FEZ1: variants seen among roughly 807,000 people sequenced by gnomAD.
FEZ1 encodes the protein fasciculation and elongation protein zeta 1.
A neutral mutation model predicts 49.3 loss-of-function variants in FEZ1; 20 were observed. That is an observed-to-expected ratio of 0.41 (90% CI 0.29 to 0.59). The LOEUF (loss-of-function observed/expected upper bound fraction) is 0.59. FEZ1 is among the 20% of genes least tolerant of loss of function. The pLI, the probability that FEZ1 is intolerant of heterozygous loss-of-function variation, is 0.36. For missense variants in FEZ1, 413 were observed against 476.0 expected (o/e 0.87, Z 1.23); for synonymous variants, 170 against 180.9 (o/e 0.94, Z 0.48).
At chr11:125,488,455 C>A (rs1957347912) in intron 2 of FEZ1, among the ~76,000 whole-genome samples, 1 of 152,176 alleles carries the variant, frequency 6.6e-6, no homozygotes, top group African/African-American at 2.4e-5. Flanking sequence ...CCAAGGCGGG[C>A]AAATCACCAG....
In FEZ1 at chr11:125,455,737, G is replaced by A. The variant is rs778491455; in HGVS notation, c.939+98C>T. On this transcript the variant is annotated intron_variant, in intron 6 of 9. Transcript: ENST00000278919. ...GTGTGCTGCTCACCACCACTGCTCG[G>A]TAAACGTTGATGAGTCCCCTGCAGG... 3.9e-6 allele frequency: 5 copies of A among 1,277,940 alleles called. No homozygotes were observed. The East Asian group carries it at 9.2e-5, about 24-fold the overall frequency. The allele number at this position is 1,277,940 out of a possible 1,614,324, so 79.2% of individuals were successfully genotyped here.
chr11:125,447,461 A>G (rs1188307270), intron 9 of FEZ1, among the ~76,000 whole-genome samples: 4 of 152,222 alleles, frequency 2.6e-5, no homozygotes, highest in African/African-American at 9.6e-5. Flanking sequence ...TTGGCCCCTG[A>G]TTCAAACAAA....
chr11:125,462,529 G>A (rs915546073), intron 4 of FEZ1, among the ~76,000 whole-genome samples: 8 of 152,126 alleles, frequency 5.3e-5, no homozygotes, highest in African/African-American at 1.7e-4. Context: ...TCTTGACTCC[G>A]AGTACAACGA....
chr11:125,484,761 G>C (rs1479605978), intron 2 of FEZ1, among the ~76,000 whole-genome samples: 1 of 152,162 alleles, frequency 6.6e-6, no homozygotes, highest in Non-Finnish European at 1.5e-5. Flanking sequence ...TGTTTTCATG[G>C]ATCTACAGAA....
At chr11:125,451,225 G>A (rs2135737727) in intron 8 of FEZ1, among the ~76,000 whole-genome samples, 2 of 152,224 alleles carry the variant, frequency 1.3e-5, no homozygotes, top group South Asian at 2.1e-4. Flanking sequence ...GAAACTTAGT[G>A]CATATTTATG....
intron 8 of FEZ1, among the ~76,000 whole-genome samples, chr11:125,452,118 T>C (rs903754947): frequency 6.6e-5 from 10 of 152,158 alleles, no homozygotes; most frequent in African/African-American, 1.7e-4. Flanking sequence ...TCTTCCCTTA[T>C]GGGAACCAGG....
chr11:125,478,458 TG>T (rs1162289232), intron 3 of FEZ1, among the ~76,000 whole-genome samples: 4 of 152,044 alleles, frequency 2.6e-5, no homozygotes. Flanking sequence ...TAAAAAAAAT[TG>T]TTTTAAATGG....
intron 2 of FEZ1, among the ~76,000 whole-genome samples, chr11:125,486,387 T>C (rs149758231): frequency 1.0e-3 from 156 of 152,146 alleles, no homozygotes; most frequent in African/African-American, 3.2e-3. Context: ...AGGAAGAGGG[T>C]GGTCACATAT....
chr11:125,481,826 C>G (rs199927302), intron 2 of FEZ1, 193 bp from the exon 3 acceptor site: 12 of 594,542 alleles, frequency 2.0e-5, no homozygotes, highest in Non-Finnish European at 3.3e-5. Flanking sequence ...GTGCATGGAG[C>G]TTGGCCAGGG....
intron 5 of FEZ1, among the ~76,000 whole-genome samples, chr11:125,457,468 A>ATGTG (rs1476993246): frequency 1.1e-4 from 7 of 65,272 alleles, no homozygotes; most frequent in East Asian, 1.1e-3. Flanking sequence ...ATACACATAT[A>ATGTG]TATGTATATA....
chr11:125,459,383 G>A (rs766021235), intron 5 of FEZ1, among the ~76,000 whole-genome samples: 1 of 152,084 alleles, frequency 6.6e-6, no homozygotes, highest in Non-Finnish European at 1.5e-5. Flanking sequence ...CCTGAGGTCA[G>A]GAGTTTGAGA....
chr11:125,458,023 C>A (rs749973582), intron 5 of FEZ1, among the ~76,000 whole-genome samples: 3 of 152,172 alleles, frequency 2.0e-5, no homozygotes, highest in African/African-American at 7.2e-5. Context: ...ATCTTTGGGA[C>A]CTTTGTGTGG....
In FEZ1 at chr11:125,495,476, C is replaced by G. The variant is rs185456739; in HGVS notation, c.-46+645G>C. The G allele has an allele frequency of 5.4e-3, 2,554 of 471,020 alleles. 16 individuals carry two copies. The highest frequency in any genetic ancestry group is 8.8e-3 in the Admixed American group (373 of 42,586). 29.2% of individuals were successfully genotyped at this position (471,020 alleles called of 1,614,324 possible). ...GCGCCCCGCCACCGCGCAGCCGCCC[C>G]GGTCCCTTCTCCCGCCCGTCTGTAG... is the stretch of plus-strand genomic sequence containing the variant. On this transcript the variant is annotated intron_variant, in intron 1 of 9. Coordinates refer to ENST00000278919, the MANE Select transcript of FEZ1 (RefSeq NM_005103.5). This position sits in a 1 kb window ranked among gnomAD's most constrained non-coding sequence, Gnocchi z 4.2.
Position 125,481,515 on chromosome 11 carries a change from AG to A in FEZ1, c.411+18del. The A allele has an allele frequency of 1.5e-6, 2 of 1,365,082 alleles. No homozygotes were observed. The highest frequency in any genetic ancestry group is 2.1e-6 in the Non-Finnish European group (2 of 952,524). 84.6% of individuals were successfully genotyped at this position (1,365,082 alleles called of 1,614,324 possible). A position where few individuals can be genotyped will look rare whatever the true frequency, so the allele number is the denominator to read the frequency against. ...TCCACATCTCAAGCCCTGCTAAACCAGGGGCCCCGGAGAGGTACCTCAGTGT... is the reference window on the plus strand; with the variant it reads ...TCCACATCTCAAGCCCTGCTAAACCAGGGCCCCGGAGAGGTACCTCAGTGT... On this transcript the variant is annotated intron_variant, in intron 3 of 9. Coordinates refer to ENST00000278919, the MANE Select transcript of FEZ1 (RefSeq NM_005103.5).
In FEZ1 at chr11:125,445,154, G is replaced by C. The variant is rs1030003085; in HGVS notation, c.*941C>G. 6.6e-6 allele frequency among the ~76,000 whole-genome samples: 1 copy of C among 152,222 alleles called. No individual in the cohort carries two copies. The highest frequency in any genetic ancestry group is 2.4e-5 in the African/African-American group (1 of 41,452). On this transcript the variant is annotated 3_prime_UTR_variant, in exon 10 of 10. Transcript: ENST00000278919. The surrounding 1 kb of genome is among the most constrained non-coding windows in gnomAD (Gnocchi z 4.4). ...GGAGACAGTGCGAGGAGTCAGAGCT[G>C]CTGTTCATGGAGGGCCGCGGGAAGG... is the stretch of plus-strand genomic sequence containing the variant.
intron 2 of FEZ1, among the ~76,000 whole-genome samples, chr11:125,487,658 C>G (rs990365280): frequency 2.0e-5 from 3 of 152,156 alleles, no homozygotes; most frequent in Admixed American, 6.5e-5. Flanking sequence ...ATCATACCTT[C>G]CGGCCAGCAT....
In FEZ1 at chr11:125,445,428, T is replaced by A. The variant is rs1239114736; in HGVS notation, c.*667A>T. On this transcript the variant is annotated 3_prime_UTR_variant, in exon 10 of 10. Coordinates refer to ENST00000278919, the MANE Select transcript of FEZ1 (RefSeq NM_005103.5). This position sits in a 1 kb window ranked among gnomAD's most constrained non-coding sequence, Gnocchi z 4.4. ...TGTGTGGCTCCTCCATGAGGCCCACTTTCTATCTGCTAATTGCACACTCTC... is the reference window on the plus strand; with the variant it reads ...TGTGTGGCTCCTCCATGAGGCCCACATTCTATCTGCTAATTGCACACTCTC... Among the ~76,000 whole-genome samples, 1 of 152,182 alleles carries A rather than the reference T, an allele frequency of 6.6e-6. No homozygotes were observed. The highest frequency in any genetic ancestry group is 2.4e-5 in the African/African-American group (1 of 41,450).
At chr11:125,490,239 G>C (rs12279318) in intron 1 of FEZ1, among the ~76,000 whole-genome samples, 1,830 of 152,216 alleles carry the variant, frequency 0.012, 34 homozygotes, top group African/African-American at 0.032. Context: ...TATGTGATCT[G>C]AAAGCTGAAA....
chr11:125,464,710 G>A (rs550109475), intron 3 of FEZ1, among the ~76,000 whole-genome samples: 1 of 139,092 alleles, frequency 7.2e-6, no homozygotes, highest in African/African-American at 2.7e-5. Context: ...TTAAAACCAG[G>A]ACTATGTCAT....
Sources: allele counts gnomAD v4.1 joint callset (sites outside exome capture counted in the v4.1 genomes callset), GRCh38; gene constraint gnomAD v4.1.1; non-coding constraint Gnocchi (gnomAD v3.1); transcripts MANE v1.5; gene names NCBI Gene and HGNC (gene_info 2026-07-23, HGNC 2026-07-21).